Variants in TLN2 observed in about 807,000 individuals in gnomAD.
The protein encoded by TLN2 is talin 2.
TLN2 carries 118 observed loss-of-function variants against 294.7 expected under a neutral mutation model. The observed-to-expected ratio is 0.40, with a 90% confidence interval of 0.34 to 0.47. The LOEUF is 0.47. TLN2 is among the 20% of genes least tolerant of loss of function. The pLI is 0.84. For missense variants in TLN2, 3,083 were observed against 3,282.2 expected (o/e 0.94, Z 1.48); for synonymous variants, 1,431 against 1,304.5 (o/e 1.10, Z -2.09).
intron 1 of TLN2, among the ~76,000 whole-genome samples, chr15:62,522,795 CCAG>C (rs1280587103): frequency 1.0e-5 from 1 of 97,962 alleles, no homozygotes; most frequent in Non-Finnish European, 2.1e-5. Flanking sequence ...AGTTCAAAAA[CCAG>C]AGAAGAAAAT....
rs2070624895 is a variant in TLN2 at position 62,841,006 on chromosome 15, T to TCATAGAATATTCTTCTTCC, written c.*397_*415dup. The stretch of plus-strand genomic sequence containing the variant: ...GTGATAGGGAAAAAAATCATTGACG[T>TCATAGAATATTCTTCTTCC]CATAGAATATTCTTCTTCCTCTCAG... On this transcript the variant is annotated 3_prime_UTR_variant, in exon 59 of 59. Coordinates refer to ENST00000636159, the MANE Select transcript of TLN2 (RefSeq NM_015059.3). 6.3e-6 allele frequency: 1 copy of TCATAGAATATTCTTCTTCC among 157,646 alleles called. No homozygotes were observed. Among genetic ancestry groups the TCATAGAATATTCTTCTTCC allele is most frequent in the Non-Finnish European group, 1.4e-5 (1 of 71,534 alleles). 9.8% of individuals were successfully genotyped at this position (157,646 alleles called of 1,614,324 possible). A position where few individuals can be genotyped will look rare whatever the true frequency, so the allele number is the denominator to read the frequency against.
chr15:62,498,879 C>G (rs1433036678), intron 1 of TLN2, among the ~76,000 whole-genome samples: 1 of 152,124 alleles, frequency 6.6e-6, no homozygotes, highest in Non-Finnish European at 1.5e-5. Flanking sequence ...TTTACCCACT[C>G]TAAAGAGAGC....
chr15:62,712,468 A>G (rs1567428508), intron 22 of TLN2, among the ~76,000 whole-genome samples: 1 of 152,218 alleles, frequency 6.6e-6, no homozygotes, highest in Admixed American at 6.5e-5. Context: ...CTCAACTATT[A>G]TCAAGATTTT....
intron 32 of TLN2, among the ~76,000 whole-genome samples, chr15:62,742,929 T>A (rs2061421205): frequency 6.6e-6 from 1 of 152,230 alleles, no homozygotes; most frequent in African/African-American, 2.4e-5. Flanking sequence ...TCATTCATTG[T>A]CTTATTCATT....
At chr15:62,464,035 G>A (rs536676635) in intron 1 of TLN2, among the ~76,000 whole-genome samples, 14 of 152,318 alleles carry the variant, frequency 9.2e-5, no homozygotes, top group Non-Finnish European at 1.8e-4. Context: ...CAAGGATCTA[G>A]AACTAGAAAT....
At chr15:62,701,358 G>A in intron 17 of TLN2, 144 bp downstream of exon 17, 1 of 702,654 alleles carries the variant, frequency 1.4e-6, no homozygotes, top group Non-Finnish European at 2.3e-6. Flanking sequence ...TTTTAGTGCT[G>A]TAGGCATTTT....
At chr15:62,455,841 C>T (rs1025766609) in intron 1 of TLN2, among the ~76,000 whole-genome samples, 14 of 152,292 alleles carry the variant, frequency 9.2e-5, no homozygotes, top group Admixed American at 4.6e-4. Context: ...TCCTGTCCTC[C>T]GAGCCAGTAC....
At chr15:62,603,197 G>A (rs554879465) in intron 2 of TLN2, among the ~76,000 whole-genome samples, 1 of 152,218 alleles carries the variant, frequency 6.6e-6, no homozygotes, top group Admixed American at 6.5e-5. Flanking sequence ...CGGCCGAGGC[G>A]TTTGGTTTTA....
In TLN2 at chr15:62,547,761, A is replaced by G. The variant is rs117249551; in HGVS notation, c.-237-41926A>G. 7.2e-5 allele frequency among the ~76,000 whole-genome samples: 11 copies of G among 152,292 alleles called. No homozygotes were observed. In the East Asian group the frequency reaches 1.9e-3, roughly 27 times the overall value. ...AGGACTTCAGCAATCTGCAAATGGA[A>G]AGTAGCCTGATAAATTTCTGATCCT... On this transcript the variant is annotated intron_variant, in intron 1 of 58. Coordinates refer to ENST00000636159, the MANE Select transcript of TLN2 (RefSeq NM_015059.3).
intron 19 of TLN2, 75 bp downstream of exon 19, chr15:62,702,939 T>C: frequency 2.2e-6 from 3 of 1,366,708 alleles, no homozygotes; most frequent in South Asian, 2.4e-5. Context: ...CAGAATGTAA[T>C]ATTTGAAAAC....
chr15:62,733,869 C>A (rs1039586151), intron 28 of TLN2: 1 of 152,256 alleles, frequency 6.6e-6, no homozygotes, highest in Admixed American at 6.5e-5. Flanking sequence ...ACTTTGACTA[C>A]AGGAACAGTT....
At chr15:62,513,961 G>A (rs2040058323) in intron 1 of TLN2, among the ~76,000 whole-genome samples, 1 of 152,232 alleles carries the variant, frequency 6.6e-6, no homozygotes, top group Non-Finnish European at 1.5e-5. Context: ...TCTCTTACAA[G>A]TTAACCCCTC....
At chr15:62,671,000 C>G (rs2055339588) in intron 9 of TLN2, among the ~76,000 whole-genome samples, 1 of 152,124 alleles carries the variant, frequency 6.6e-6, no homozygotes, top group Non-Finnish European at 1.5e-5. Context: ...ATTGGTATCA[C>G]ATTGTGGTTT....
At chr15:62,803,974 C>G (rs1397808791) in intron 50 of TLN2, among the ~76,000 whole-genome samples, 2 of 152,198 alleles carry the variant, frequency 1.3e-5, no homozygotes, top group African/African-American at 4.8e-5. Context: ...ATGTTATGAT[C>G]TAAGCCGTAT....
chr15:62,817,744 C>T (rs911191264), intron 52 of TLN2, among the ~76,000 whole-genome samples: 3 of 150,902 alleles, frequency 2.0e-5, no homozygotes, highest in African/African-American at 7.3e-5. Flanking sequence ...GAAGGGAATT[C>T]ACATTTAATG....
At chr15:62,542,340 T>C (rs2041741079) in intron 1 of TLN2, among the ~76,000 whole-genome samples, 1 of 144,754 alleles carries the variant, frequency 6.9e-6, no homozygotes, top group Middle Eastern at 3.2e-3. Flanking sequence ...TACAGGCGCC[T>C]GCCACCGTAC....
chr15:62,620,409 G>A (rs1032989006), intron 3 of TLN2, among the ~76,000 whole-genome samples: 3 of 152,058 alleles, frequency 2.0e-5, no homozygotes, highest in Non-Finnish European at 4.4e-5. Context: ...GAAATGGCCT[G>A]CCTACTGCTT....
chr15:62,735,173 T>G (rs980908900), intron 28 of TLN2, among the ~76,000 whole-genome samples: 1 of 152,234 alleles, frequency 6.6e-6, no homozygotes, highest in African/African-American at 2.4e-5. Flanking sequence ...GGGCAAGATA[T>G]GTCTCAGCAC....
intron 45 of TLN2, among the ~76,000 whole-genome samples, chr15:62,787,472 C>T (rs1479428030): frequency 6.6e-6 from 1 of 152,096 alleles, no homozygotes; most frequent in Non-Finnish European, 1.5e-5. Context: ...TGATTTTCTC[C>T]ATTTTACTTT....
Sources: gnomAD v4.1 joint callset for allele counts (sites outside exome capture counted in the v4.1 genomes callset) on GRCh38, gnomAD v4.1.1 for gene constraint, MANE v1.5 for transcripts, NCBI Gene and HGNC (gene_info 2026-07-23, HGNC 2026-07-21) for gene names.